Variants in NRXN3 observed in about 807,000 individuals in gnomAD.
NRXN3 encodes the protein neurexin 3, also known as neurexin III.
NRXN3 carries 32 observed loss-of-function variants against 137.6 expected under a neutral mutation model. The observed-to-expected ratio is 0.23, with a 90% CI of 0.18 to 0.31. NRXN3 has a LOEUF of 0.31. Among genes scored for constraint, NRXN3 ranks in the 10% least tolerant of loss-of-function variants. The pLI is 1.00. For synonymous variants in NRXN3, 798 were observed against 784.5 expected (o/e 1.02, Z -0.29); for missense variants, 1,574 against 2,062.5 (o/e 0.76, Z 4.59).
chr14:78,701,761 T>C (rs1272382885), intron 6 of NRXN3, among the ~76,000 whole-genome samples: 1 of 152,230 alleles, frequency 6.6e-6, no homozygotes, highest in Non-Finnish European at 1.5e-5. Flanking sequence ...CAACTTTATC[T>C]GGAGTCTTTT....
At chr14:79,175,153 TG>T (rs1184989330) in intron 15 of NRXN3, among the ~76,000 whole-genome samples, 1 of 152,026 alleles carries the variant, frequency 6.6e-6, no homozygotes, top group African/African-American at 2.4e-5. Context: ...GCTAATTTTT[TG>T]TATTTGTACT....
Position 79,393,039 on chromosome 14 carries a change from C to CT in NRXN3, c.3263-74178dup, listed in dbSNP as rs549910235. Among the ~76,000 whole-genome samples the CT allele has an allele frequency of 7.7e-3, 1,154 of 150,550 alleles. 16 individuals carry two copies. The highest frequency in any genetic ancestry group is 0.026 in the African/African-American group (1,050 of 40,896). ...GAGAGGATGTGGAGAAATAGGAACG[C>CT]TTTTATACTGTTGGTGGGAGTGTAA... is the stretch of plus-strand genomic sequence containing the variant. On this transcript the variant is annotated intron_variant, in intron 15 of 20. Transcript: ENST00000335750.
chr14:79,010,541 G>T (rs2099569218), intron 15 of NRXN3, among the ~76,000 whole-genome samples: 1 of 152,100 alleles, frequency 6.6e-6, no homozygotes. Context: ...AAAGAGGAGG[G>T]TATATCGATC....
chr14:78,640,991 T>C (rs1389561227), intron 4 of NRXN3, among the ~76,000 whole-genome samples: 1 of 152,348 alleles, frequency 6.6e-6, no homozygotes, highest in East Asian at 1.9e-4. Flanking sequence ...ATCCCCTGCA[T>C]TCATTTTCTC....
intron 15 of NRXN3, among the ~76,000 whole-genome samples, chr14:79,400,890 C>T (rs1028076157): frequency 4.6e-5 from 7 of 152,160 alleles, no homozygotes; most frequent in African/African-American, 1.7e-4. Flanking sequence ...TCCTTGTTGT[C>T]TTTTGTGTTC....
chr14:79,285,373 C>T (rs1194807574), intron 15 of NRXN3, among the ~76,000 whole-genome samples: 4 of 152,210 alleles, frequency 2.6e-5, no homozygotes, highest in Non-Finnish European at 5.9e-5. Context: ...GGGAGGGAAG[C>T]AAATCTCTGA....
At chr14:79,265,617 A>G (rs1266145088) in intron 15 of NRXN3, among the ~76,000 whole-genome samples, 3 of 152,098 alleles carry the variant, frequency 2.0e-5, no homozygotes, top group Non-Finnish European at 4.4e-5. Flanking sequence ...ACCACCCAAT[A>G]GCATACTGTC....
chr14:78,649,359 GC>G (rs1466845897), intron 5 of NRXN3: 5 of 939,418 alleles, frequency 5.3e-6, no homozygotes, highest in South Asian at 1.6e-5. Flanking sequence ...GCCGTGTGTT[GC>G]CCCCCTTTTC....
intron 19 of NRXN3, among the ~76,000 whole-genome samples, chr14:79,794,107 G>A (rs1431170901): frequency 1.3e-5 from 2 of 152,214 alleles, no homozygotes. Flanking sequence ...GCTCACGCCT[G>A]TAATCCCAGC....
At chr14:78,700,598 T>C (rs925391470) in intron 6 of NRXN3, among the ~76,000 whole-genome samples, 4 of 152,290 alleles carry the variant, frequency 2.6e-5, no homozygotes, top group African/African-American at 7.2e-5. Context: ...TGCCAGTTCA[T>C]GTCTTATGTC....
At chr14:79,186,976 T>A (rs754347181) in intron 15 of NRXN3, among the ~76,000 whole-genome samples, 24 of 152,174 alleles carry the variant, frequency 1.6e-4, no homozygotes, top group Non-Finnish European at 3.2e-4. Flanking sequence ...TTGATCTATA[T>A]GTTATATGGA....
At chr14:79,386,691 A>C (rs1044302608) in intron 15 of NRXN3, among the ~76,000 whole-genome samples, 3 of 152,194 alleles carry the variant, frequency 2.0e-5, no homozygotes, top group Non-Finnish European at 4.4e-5. Flanking sequence ...ACACTACCTG[A>C]CTTCAAACTA....
chr14:78,873,020 A>G (rs1490707804), intron 10 of NRXN3, among the ~76,000 whole-genome samples: 1 of 152,042 alleles, frequency 6.6e-6, no homozygotes, highest in Admixed American at 6.6e-5. Flanking sequence ...AGTTGATGTG[A>G]TCCTTATATA....
intron 16 of NRXN3, among the ~76,000 whole-genome samples, chr14:79,661,205 G>A (rs575457917): frequency 1.7e-3 from 254 of 152,186 alleles, no homozygotes; most frequent in Non-Finnish European, 2.8e-3. Flanking sequence ...ACAGATTTAC[G>A]AAATCATGAG....
intron 19 of NRXN3, among the ~76,000 whole-genome samples, chr14:79,798,030 G>A (rs1236648749): frequency 6.6e-6 from 1 of 151,828 alleles, no homozygotes; most frequent in Non-Finnish European, 1.5e-5. Context: ...AGCCCAAGGA[G>A]GTCAAGGCTG....
At chr14:79,853,691 C>A in intron 20 of NRXN3, 1 of 1,287,052 alleles carries the variant, frequency 7.8e-7, no homozygotes. Context: ...CCATTCTCCC[C>A]CTTTCTTTAG....
chr14:79,205,020 G>A (rs1039519780), intron 15 of NRXN3, among the ~76,000 whole-genome samples: 3 of 152,092 alleles, frequency 2.0e-5, no homozygotes, highest in Non-Finnish European at 4.4e-5. Flanking sequence ...TAAATATTTA[G>A]GCATTGTAGA....
In NRXN3 at chr14:78,486,249, T is replaced by C. The variant is rs567246357; in HGVS notation, c.758-158871T>C. ...TGAATGACCTCCTGGGGCCTACCTT[T>C]TTCCTGCCCCTCCAAGTCCAAGTTG... On this transcript the variant is annotated intron_variant, in intron 4 of 20. Transcript: ENST00000335750. 1.1e-3 allele frequency among the ~76,000 whole-genome samples: 168 copies of C among 152,282 alleles called. 1 individual carries two copies. Among genetic ancestry groups the C allele is most frequent in the Non-Finnish European group, 7.1e-4 (48 of 68,018 alleles).
At chr14:79,104,793 G>C (rs2052060468) in intron 15 of NRXN3, among the ~76,000 whole-genome samples, 1 of 150,192 alleles carries the variant, frequency 6.7e-6, no homozygotes, top group Admixed American at 6.7e-5. Context: ...TAATTTTTCT[G>C]GGGTTTGTAA....
Sources: allele counts gnomAD v4.1 joint callset (sites outside exome capture counted in the v4.1 genomes callset), GRCh38; gene constraint gnomAD v4.1.1; transcripts MANE v1.5; gene names NCBI Gene and HGNC (gene_info 2026-07-23, HGNC 2026-07-21).